The following CSMD3 variants were observed in gnomAD, a reference collection of about 807,000 sequenced individuals.
CSMD3 encodes the protein CUB and Sushi multiple domains 3.
In CSMD3, 177 loss-of-function variants were observed where a neutral mutation model predicts 435.2. The ratio of observed to expected loss-of-function variants is 0.41; its 90% CI spans 0.36 to 0.46. The LOEUF is 0.46. CSMD3 is among the 20% of genes least tolerant of loss of function. The pLI, the probability that CSMD3 is intolerant of heterozygous loss-of-function variation, is 0.34. For missense variants in CSMD3, 4,265 were observed against 4,504.6 expected (o/e 0.95, Z 1.52); for synonymous variants, 1,656 against 1,520.5 (o/e 1.09, Z -2.07).
intron 9 of CSMD3, among the ~76,000 whole-genome samples, chr8:112,931,171 TATGCCTCTTTCATGAATAAA>T (rs991952675): frequency 9.2e-5 from 14 of 152,120 alleles, no homozygotes; most frequent in Admixed American, 1.3e-4. Flanking sequence ...TTTATGTTGC[TATGCCTCTTTCATGAATAAA>T]ATGTGAACTT....
At chr8:112,568,316 G>A (rs1265419165) in intron 24 of CSMD3, among the ~76,000 whole-genome samples, 1 of 152,088 alleles carries the variant, frequency 6.6e-6, no homozygotes, top group East Asian at 1.9e-4. Flanking sequence ...GAATGGGGCT[G>A]GCATGGTGGC....
intron 27 of CSMD3, among the ~76,000 whole-genome samples, chr8:112,518,585 AT>A (rs1823929254): frequency 6.6e-6 from 1 of 151,210 alleles, no homozygotes; most frequent in South Asian, 2.1e-4. Flanking sequence ...TCCACTATGG[AT>A]AGAGATCTTT....
At chr8:112,560,584 C>A (rs1471706655) in intron 24 of CSMD3, among the ~76,000 whole-genome samples, 1 of 151,516 alleles carries the variant, frequency 6.6e-6, no homozygotes, top group African/African-American at 2.4e-5. Context: ...TTATGATAAC[C>A]CCATTTGGGT....
intron 12 of CSMD3, among the ~76,000 whole-genome samples, chr8:112,824,230 C>T (rs902203426): frequency 2.0e-5 from 3 of 151,970 alleles, no homozygotes; most frequent in Non-Finnish European, 2.9e-5. Context: ...GAATACAGCA[C>T]CCTGATGAGT....
intron 22 of CSMD3, among the ~76,000 whole-genome samples, chr8:112,618,403 C>A (rs987393762): frequency 2.0e-5 from 3 of 151,960 alleles, no homozygotes; most frequent in Non-Finnish European, 4.4e-5. Flanking sequence ...TGTTCCTTTG[C>A]AAGAAAAGAA....
intron 31 of CSMD3, among the ~76,000 whole-genome samples, chr8:112,488,931 G>C (rs1237772590): frequency 6.6e-6 from 1 of 151,798 alleles, no homozygotes; most frequent in Non-Finnish European, 1.5e-5. Context: ...ACCAATAAGA[G>C]GATAGAGAGG....
intron 18 of CSMD3, among the ~76,000 whole-genome samples, chr8:112,653,800 C>T (rs2075190145): frequency 6.6e-6 from 1 of 151,738 alleles, no homozygotes; most frequent in Non-Finnish European, 1.5e-5. Flanking sequence ...GCTTGGATTA[C>T]AAGCACACAC....
At chr8:113,302,173 G>A (rs1348058310) in intron 2 of CSMD3, among the ~76,000 whole-genome samples, 7 of 145,354 alleles carry the variant, frequency 4.8e-5, no homozygotes, top group Non-Finnish European at 8.9e-5. Flanking sequence ...TTTTGATCTT[G>A]AAACAGATAT....
At chr8:112,447,070 T>A (rs1336844847) in intron 32 of CSMD3, among the ~76,000 whole-genome samples, 1 of 152,184 alleles carries the variant, frequency 6.6e-6, no homozygotes, top group Non-Finnish European at 1.5e-5. Flanking sequence ...TCCCTACTGA[T>A]CATTTTAAAA....
At chr8:113,082,925 A>C (rs533991137) in intron 5 of CSMD3, among the ~76,000 whole-genome samples, 1 of 152,252 alleles carries the variant, frequency 6.6e-6, no homozygotes, top group East Asian at 1.9e-4. Flanking sequence ...AAGAAAATGA[A>C]TAAAGCCTAC....
chr8:113,142,306 T>C (rs2091567894), intron 4 of CSMD3, among the ~76,000 whole-genome samples: 1 of 151,240 alleles, frequency 6.6e-6, no homozygotes, highest in East Asian at 1.9e-4. Flanking sequence ...GGGACTACAA[T>C]AGCTAAAATT....
chr8:112,573,639 T>C lies in CSMD3; in HGVS notation c.3904A>G (p.Lys1302Glu), dbSNP rs1485759191. The C allele has an allele frequency of 5.6e-6, 9 of 1,612,024 alleles. No individual in the cohort carries two copies. Among genetic ancestry groups the C allele is most frequent in the South Asian group, 1.1e-5 (1 of 91,006 alleles). ...DVLKIYDGKD[K>E]TTHLLGAFTG... Reference sequence around the variant, plus strand: ...AAAGCACCTAGTAGATGAGTCGTTTTATCTTTTCCATCATAAATCTGCAAA... The same window carrying C: ...AAAGCACCTAGTAGATGAGTCGTTTCATCTTTTCCATCATAAATCTGCAAA... Residue 1302 changes from lysine to glutamate, a missense_variant, in exon 24 of 71, where the codon AAA (lysine) becomes GAA (glutamate). Physicochemically the swap from Lys to Glu is moderately conservative, Grantham distance 56. Around this residue, in one of 3 missense-constraint regions of CSMD3, gnomAD observed 3,255 missense variants for 3,380.2 expected, o/e 0.96. Transcript: ENST00000297405.
chr8:113,210,094 T>C (rs1024907812), intron 3 of CSMD3, among the ~76,000 whole-genome samples: 4 of 151,784 alleles, frequency 2.6e-5, no homozygotes, highest in Non-Finnish European at 5.9e-5. Flanking sequence ...TTTATGCTCT[T>C]GGATTTTGAA....
At chr8:113,019,735 C>T (rs910074863) in intron 5 of CSMD3, among the ~76,000 whole-genome samples, 2 of 151,876 alleles carry the variant, frequency 1.3e-5, no homozygotes, top group Non-Finnish European at 2.9e-5. Flanking sequence ...TTTTCTTATA[C>T]TCCCTCCTAT....
intron 22 of CSMD3, among the ~76,000 whole-genome samples, chr8:112,588,457 T>C: frequency 6.8e-6 from 1 of 147,110 alleles, no homozygotes; most frequent in East Asian, 2.0e-4. Flanking sequence ...CCTAAATTCC[T>C]TTTAAAGAAA....
chr8:113,196,678 A>G (rs1323468371), intron 3 of CSMD3, among the ~76,000 whole-genome samples: 2 of 151,254 alleles, frequency 1.3e-5, no homozygotes, highest in Non-Finnish European at 3.0e-5. Context: ...AACTAGAGAA[A>G]AAAAAGTCTT....
rs774517344 is a variant in CSMD3, at chr8:112,351,213, G to A, written c.6287C>T (p.Pro2096Leu). The A allele has an allele frequency of 6.2e-7, 1 of 1,609,208 alleles. No homozygotes were observed. Among genetic ancestry groups the A allele is most frequent in the Non-Finnish European group, 8.5e-7 (1 of 1,176,092 alleles). The stretch of plus-strand genomic sequence containing the variant: ...GATTGGATAATTCCATCTTCTTACA[G>A]GTCCTGGCATACATGTAATGTGAGA... The part of the protein sequence containing the change: ...GHSHITCMPG[P>L]VRRWNYPIPI... The change falls in exon 40 of 71, where the codon CCT (proline) becomes CTT (leucine). Residue 2096 changes from proline to leucine, a missense_variant. Pro to Leu is a moderately conservative substitution (Grantham distance 98). Around this residue, in one of 3 missense-constraint regions of CSMD3, gnomAD observed 3,255 missense variants for 3,380.2 expected, o/e 0.96. Coordinates refer to ENST00000297405, the MANE Select transcript of CSMD3 (RefSeq NM_198123.2).
intron 22 of CSMD3, among the ~76,000 whole-genome samples, chr8:112,607,303 A>G (rs988281628): frequency 6.6e-6 from 1 of 152,008 alleles, no homozygotes; most frequent in Admixed American, 6.6e-5. Flanking sequence ...ATTAATATAA[A>G]TAGATTAATA....
chr8:112,493,147 C>T (rs1164873582), intron 30 of CSMD3, among the ~76,000 whole-genome samples: 3 of 152,036 alleles, frequency 2.0e-5, no homozygotes, highest in African/African-American at 4.8e-5. Flanking sequence ...GCATATCTGA[C>T]AAATTGCTAA....
Sources: allele counts gnomAD v4.1 joint callset (sites outside exome capture counted in the v4.1 genomes callset), GRCh38; gene constraint gnomAD v4.1.1; regional missense constraint gnomAD v4.1.1; transcripts MANE v1.5; gene names NCBI Gene and HGNC (gene_info 2026-07-23, HGNC 2026-07-21).